The following KATNIP variants were observed in gnomAD, a reference collection of about 807,000 sequenced individuals.
KATNIP encodes katanin-interacting protein.
Under a neutral mutation model 174.0 loss-of-function variants are expected in KATNIP, and 126 were observed. That is an observed-to-expected ratio of 0.72 (90% CI 0.63 to 0.84). KATNIP has a LOEUF of 0.84. KATNIP is among the 40% of genes least tolerant of loss of function. KATNIP has a pLI of 0.00. For synonymous variants in KATNIP, 810 were observed against 835.7 expected, an observed-to-expected ratio of 0.97 and a Z score of 0.53; for missense variants, 1,958 against 2,109.7, an observed-to-expected ratio of 0.93 and a Z score of 1.41.
chr16:27,555,501 T>G (rs2089581561), intron 1 of KATNIP, among the ~76,000 whole-genome samples: 1 of 152,204 alleles, frequency 6.6e-6, no homozygotes, highest in Admixed American at 6.5e-5. Flanking sequence ...TACCTTGTTT[T>G]GTGGCTTCAA....
chr16:27,555,828 C>G (rs898897607), intron 1 of KATNIP, among the ~76,000 whole-genome samples: 5 of 142,874 alleles, frequency 3.5e-5, no homozygotes, highest in African/African-American at 1.3e-4. Context: ...AAGAGCGAAA[C>G]TCCGTCTCAA....
intron 2 of KATNIP, among the ~76,000 whole-genome samples, chr16:27,579,629 G>A (rs2090620138): frequency 6.6e-6 from 1 of 152,040 alleles, no homozygotes; most frequent in East Asian, 1.9e-4. Context: ...CTGGCTGTGT[G>A]TCCCCAGGCA....
chr16:27,559,988 T>C (rs565843758), intron 1 of KATNIP, among the ~76,000 whole-genome samples: 1 of 130,182 alleles, frequency 7.7e-6, no homozygotes, highest in African/African-American at 2.9e-5. Flanking sequence ...ATAAAAAAAA[T>C]AAATAAATAA....
chr16:27,551,908 CATA>C (rs1480005878), intron 1 of KATNIP, among the ~76,000 whole-genome samples: 1 of 151,742 alleles, frequency 6.6e-6, no homozygotes, highest in African/African-American at 2.4e-5. Flanking sequence ...TCATAATAAT[CATA>C]ATAATAATTG....
intron 2 of KATNIP, among the ~76,000 whole-genome samples, chr16:27,586,785 C>T (rs1024426): frequency 0.82 from 122,449 of 150,124 alleles, 50,353 homozygotes; most frequent in East Asian, 1. Flanking sequence ...GCCAAGATCG[C>T]GCCACTGCAC....
intron 15 of KATNIP, among the ~76,000 whole-genome samples, chr16:27,748,818 T>C (rs1030256405): frequency 3.3e-5 from 5 of 151,984 alleles, no homozygotes; most frequent in African/African-American, 9.7e-5. Flanking sequence ...ATAAAAGTAA[T>C]GCATGAAGGG....
intron 2 of KATNIP, among the ~76,000 whole-genome samples, chr16:27,608,226 CTTTTTT>C (rs35752811): frequency 2.7e-5 from 3 of 109,858 alleles, no homozygotes; most frequent in Non-Finnish European, 5.7e-5. Flanking sequence ...TGGTAAAATT[CTTTTTT>C]TTTTTTTTTT....
chr16:27,691,273 T>TA (rs2078724176), intron 8 of KATNIP, among the ~76,000 whole-genome samples: 1 of 152,242 alleles, frequency 6.6e-6, no homozygotes, highest in African/African-American at 2.4e-5. Context: ...CCTGAATTGA[T>TA]ACACCTTTTG....
At chr16:27,568,307 A>T (rs1478596165) in intron 1 of KATNIP, among the ~76,000 whole-genome samples, 1 of 152,230 alleles carries the variant, frequency 6.6e-6, no homozygotes, top group Non-Finnish European at 1.5e-5. Context: ...ATTACAAATC[A>T]TGATACAGCA....
chr16:27,675,513 C>A (rs776229007), intron 6 of KATNIP, among the ~76,000 whole-genome samples: 5 of 152,168 alleles, frequency 3.3e-5, no homozygotes, highest in Non-Finnish European at 7.3e-5. Flanking sequence ...GCTGGGCAAA[C>A]TGTTAGTTTT....
intron 2 of KATNIP, among the ~76,000 whole-genome samples, chr16:27,610,644 C>T (rs551524662): frequency 7.2e-5 from 11 of 152,240 alleles, no homozygotes; most frequent in African/African-American, 1.4e-4. Flanking sequence ...ACAATTCACA[C>T]GCACACATGA....
At chr16:27,750,376 C>G in intron 16 of KATNIP, 70 bp downstream of exon 16, 12 of 1,433,858 alleles carry the variant, frequency 8.4e-6, no homozygotes, top group Non-Finnish European at 1.1e-5. Context: ...TGGGAAAAAA[C>G]AGACCAGCTG....
chr16:27,733,036 C>T (rs547713659), intron 14 of KATNIP, among the ~76,000 whole-genome samples: 2 of 152,274 alleles, frequency 1.3e-5, no homozygotes, highest in South Asian at 4.1e-4. Context: ...CTTAACGGAC[C>T]CACCTTGGCA....
intron 19 of KATNIP, among the ~76,000 whole-genome samples, chr16:27,762,378 G>T (rs189732635): frequency 6.6e-6 from 1 of 152,200 alleles, no homozygotes; most frequent in South Asian, 2.1e-4. Flanking sequence ...TGGGCTATGC[G>T]AAGCAGGTGA....
At chr16:27,584,872 T>C (rs555929801) in intron 2 of KATNIP, among the ~76,000 whole-genome samples, 53 of 152,304 alleles carry the variant, frequency 3.5e-4, no homozygotes, top group African/African-American at 1.3e-3. Flanking sequence ...ATTATCCTTA[T>C]CTTACATGAG....
At chr16:27,555,982 G>A (rs2089608415) in intron 1 of KATNIP, among the ~76,000 whole-genome samples, 1 of 151,988 alleles carries the variant, frequency 6.6e-6, no homozygotes, top group African/African-American at 2.4e-5. Context: ...ACAAAAATTA[G>A]CCAGGTGTGG....
chr16:27,578,671 G>A (rs536214801), intron 2 of KATNIP, among the ~76,000 whole-genome samples: 5 of 152,236 alleles, frequency 3.3e-5, no homozygotes, highest in South Asian at 4.1e-4. Context: ...TCCACCTCCC[G>A]GGTTTAAGTG....
chr16:27,705,435 C>A (rs570502136), intron 12 of KATNIP, among the ~76,000 whole-genome samples: 1 of 152,276 alleles, frequency 6.6e-6, no homozygotes, highest in East Asian at 1.9e-4. Flanking sequence ...TTGAATCTGG[C>A]ACCATCATTG....
At position 27,740,831 on chromosome 16, in the gene KATNIP, C is replaced by G. The variant is rs552731889; in HGVS notation, c.2534C>G (p.Pro845Arg). 5 of 1,613,690 alleles carry G rather than the reference C, an allele frequency of 3.1e-6. No homozygotes were observed. In the African/African-American group the frequency reaches 5.3e-5, roughly 17 times the overall value. Residue 845 changes from proline to arginine, a missense_variant, in exon 15 of 28, where the codon CCC (proline) becomes CGC (arginine). This residue lies in a region of KATNIP where 1,557 missense variants were observed against 1,617.8 expected (regional missense o/e 0.96). Coordinates refer to ENST00000261588, the MANE Select transcript of KATNIP (RefSeq NM_015202.5). ...GACTCAGACATCTTTAACCAGCCCCCCAACAGAGAGCGCCCTGCTAGTGGG... is the reference window on the plus strand; with the variant it reads ...GACTCAGACATCTTTAACCAGCCCCGCAACAGAGAGCGCCCTGCTAGTGGG... ...SDDSDIFNQP[P>R]NRERPASGRR...
Sources: allele counts gnomAD v4.1 joint callset (sites outside exome capture counted in the v4.1 genomes callset), GRCh38; gene constraint gnomAD v4.1.1; regional missense constraint gnomAD v4.1.1; transcripts MANE v1.5; gene names NCBI Gene and HGNC (gene_info 2026-07-23, HGNC 2026-07-21).